TGFB2: variants seen among roughly 807,000 people sequenced by gnomAD.
TGFB2 encodes the protein transforming growth factor beta-2 proprotein.
A neutral mutation model predicts 42.7 loss-of-function variants in TGFB2; 13 were observed. The ratio of observed to expected loss-of-function variants is 0.30; its 90% CI spans 0.20 to 0.48. The LOEUF is 0.48. Ranked by LOEUF, TGFB2 falls within the 20% of genes least tolerant of loss-of-function variation. The pLI is 0.99. For synonymous variants in TGFB2, 193 were observed against 193.6 expected, an observed-to-expected ratio of 1.00 and a Z score of 0.03; for missense variants, 390 against 517.5, an observed-to-expected ratio of 0.75 and a Z score of 2.39.
At position 218,370,965 on chromosome 1, in the gene TGFB2, G is replaced by A. The variant is rs559793421; in HGVS notation, c.346+23918G>A. Among the ~76,000 whole-genome samples, 5 of 151,506 alleles carry A rather than the reference G, an allele frequency of 3.3e-5. No individual in the cohort carries two copies. The East Asian group carries it at 5.8e-4, about 18-fold the overall frequency. ...AATGATACAGTCTACCACAGTGTAG[G>A]TGGAGGAGTTGGGGAACAGGGAAAG... On this transcript the variant is annotated intron_variant, in intron 1 of 6. Transcript: ENST00000366930.
At chr1:218,411,155 T>G (rs12070060) in intron 2 of TGFB2, among the ~76,000 whole-genome samples, 2,683 of 152,328 alleles carry the variant, frequency 0.018, 77 homozygotes, top group African/African-American at 0.059. Flanking sequence ...ATTTCTCATT[T>G]AAAACCTTAC....
chr1:218,439,166 A>C (rs538553161), intron 6 of TGFB2, among the ~76,000 whole-genome samples: 2 of 152,108 alleles, frequency 1.3e-5, no homozygotes, highest in South Asian at 4.2e-4. Context: ...GATGATACCC[A>C]AAACCAAACA....
In TGFB2 at chr1:218,363,515, G is replaced by A; in HGVS notation, c.346+16468G>A. The A allele has an allele frequency of 2.4e-6, 3 of 1,245,724 alleles. 1 individual carries two copies. The highest frequency in any genetic ancestry group is 3.5e-6 in the Non-Finnish European group (3 of 858,320). The allele number at this position is 1,245,724 out of a possible 1,614,324, so 77.2% of individuals were successfully genotyped here. A position where few individuals can be genotyped will look rare whatever the true frequency, so the allele number is the denominator to read the frequency against. On this transcript the variant is annotated intron_variant, in intron 1 of 6. Coordinates refer to ENST00000366930, the MANE Select transcript of TGFB2 (RefSeq NM_003238.6). ...GTGGGGAACTTGCCAGAGGCAAGATGAGATTCTGAAATGCAGCCTTGTACC... is the reference window on the plus strand; with the variant it reads ...GTGGGGAACTTGCCAGAGGCAAGATAAGATTCTGAAATGCAGCCTTGTACC...
At chr1:218,421,028 C>G (rs773049748) in intron 2 of TGFB2, among the ~76,000 whole-genome samples, 2 of 152,112 alleles carry the variant, frequency 1.3e-5, no homozygotes, top group Non-Finnish European at 2.9e-5. Context: ...TGTTAAGCCA[C>G]TTCTGAAGGA....
intron 1 of TGFB2, among the ~76,000 whole-genome samples, chr1:218,403,507 T>C (rs1333747362): frequency 6.6e-6 from 1 of 152,184 alleles, no homozygotes; most frequent in African/African-American, 2.4e-5. Flanking sequence ...CGGAAGGTAT[T>C]TATTTCTATT....
At chr1:218,437,571 T>C in intron 6 of TGFB2, 75 bp downstream of exon 6, 1 of 1,463,652 alleles carries the variant, frequency 6.8e-7, no homozygotes. Flanking sequence ...TCCAAATGAG[T>C]TGTAATTAAC....
At chr1:218,383,531 T>TG (rs976769185) in intron 1 of TGFB2, among the ~76,000 whole-genome samples, 3 of 152,064 alleles carry the variant, frequency 2.0e-5, no homozygotes, top group Non-Finnish European at 4.4e-5. Flanking sequence ...TGTGTGTATG[T>TG]GGGGGGTGTG....
chr1:218,410,784 A>G (rs1472129518), intron 2 of TGFB2, among the ~76,000 whole-genome samples: 1 of 152,224 alleles, frequency 6.6e-6, no homozygotes, highest in Non-Finnish European at 1.5e-5. Context: ...CTCTCAGCCC[A>G]TTTGTAAATT....
chr1:218,418,842 T>C (rs1344169517), intron 2 of TGFB2, among the ~76,000 whole-genome samples: 1 of 152,218 alleles, frequency 6.6e-6, no homozygotes, highest in African/African-American at 2.4e-5. Flanking sequence ...TCTGCTGCCA[T>C]GCACTTAAGA....
intron 1 of TGFB2, among the ~76,000 whole-genome samples, chr1:218,347,394 A>G (rs1202248998): frequency 1.3e-5 from 2 of 152,176 alleles, no homozygotes; most frequent in African/African-American, 4.8e-5. Flanking sequence ...GGGCAGAGTT[A>G]AACTGAGGAA....
At position 218,443,559 on chromosome 1, in the gene TGFB2, C is replaced by T. The variant is rs1482037125; in HGVS notation, c.*2197C>T. ...GAGTGTGTGTTGATTATTTTTTTGT[C>T]TTCCACTTTTCTATTATGTGTAAAT... On this transcript the variant is annotated 3_prime_UTR_variant, in exon 7 of 7. Transcript: ENST00000366930. 6.6e-6 allele frequency: 1 copy of T among 152,112 alleles called. No homozygotes were observed. Among genetic ancestry groups the T allele is most frequent in the African/African-American group, 2.4e-5 (1 of 41,434 alleles). The allele number at this position is 152,112 out of a possible 1,614,324, so 9.4% of individuals were successfully genotyped here.
intron 1 of TGFB2, among the ~76,000 whole-genome samples, chr1:218,384,453 C>A (rs1658064340): frequency 6.6e-6 from 1 of 152,190 alleles, no homozygotes; most frequent in Non-Finnish European, 1.5e-5. Context: ...AAAAGTGGTT[C>A]ATTACAAGTC....
At chr1:218,356,970 G>T (rs2102538910) in intron 1 of TGFB2, among the ~76,000 whole-genome samples, 1 of 152,314 alleles carries the variant, frequency 6.6e-6, no homozygotes, top group Non-Finnish European at 1.5e-5. Flanking sequence ...CCAGCACTTT[G>T]GGAGGCTGAG....
At chr1:218,405,790 A>G (rs1375269947) in intron 2 of TGFB2, among the ~76,000 whole-genome samples, 2 of 152,134 alleles carry the variant, frequency 1.3e-5, no homozygotes, top group Admixed American at 6.5e-5. Context: ...ATAGGCCCTC[A>G]TTTACTATTA....
chr1:218,419,292 A>G (rs1197053111), intron 2 of TGFB2, among the ~76,000 whole-genome samples: 2 of 151,570 alleles, frequency 1.3e-5, no homozygotes, highest in African/African-American at 4.9e-5. Context: ...CCCTCCACCC[A>G]CAGTGCTTTT....
chr1:218,368,620 T>G (rs1431933668), intron 1 of TGFB2, among the ~76,000 whole-genome samples: 1 of 152,166 alleles, frequency 6.6e-6, no homozygotes, highest in East Asian at 1.9e-4. Context: ...AAGTAGAGAT[T>G]GGTCACAGGG....
At chr1:218,429,471 C>T (rs1023635361) in intron 2 of TGFB2, among the ~76,000 whole-genome samples, 4 of 152,172 alleles carry the variant, frequency 2.6e-5, no homozygotes, top group Non-Finnish European at 2.9e-5. Context: ...GAGTGTACTA[C>T]ATTTTGTTTA....
intron 1 of TGFB2, among the ~76,000 whole-genome samples, chr1:218,367,943 C>G (rs542519108): frequency 6.6e-6 from 1 of 152,122 alleles, no homozygotes; most frequent in African/African-American, 2.4e-5. Flanking sequence ...GCTGGGACTA[C>G]AGCCGCACGC....
intron 2 of TGFB2, among the ~76,000 whole-genome samples, chr1:218,423,546 G>A (rs2102615028): frequency 6.6e-6 from 1 of 152,262 alleles, no homozygotes; most frequent in Non-Finnish European, 1.5e-5. Context: ...AACTGGAGGA[G>A]GGAAAGGCAT....
Sources: allele counts gnomAD v4.1 joint callset (sites outside exome capture counted in the v4.1 genomes callset), GRCh38; gene constraint gnomAD v4.1.1; transcripts MANE v1.5; gene names NCBI Gene and HGNC (gene_info 2026-07-23, HGNC 2026-07-21).